The following DYM variants were observed in gnomAD, a reference collection of about 807,000 sequenced individuals.
DYM encodes dymeclin, also known as dyggve-Melchior-Clausen syndrome protein.
Under a neutral mutation model 93.1 loss-of-function variants are expected in DYM, and 78 were observed. The observed-to-expected ratio is 0.84, with a 90% CI of 0.70 to 1.01. The LOEUF is 1.01. Among genes scored for constraint, DYM ranks in the 50% least tolerant of loss-of-function variants. The pLI is 0.00. For missense variants in DYM, 789 were observed against 845.0 expected (o/e 0.93, Z 0.82); for synonymous variants, 321 against 319.7 (o/e 1.00, Z -0.04).
At chr18:49,212,456 G>A (rs979544898) in intron 13 of DYM, among the ~76,000 whole-genome samples, 74 of 152,066 alleles carry the variant, frequency 4.9e-4, no homozygotes, top group African/African-American at 1.7e-3. Flanking sequence ...ATTTGGGAAT[G>A]TGAGTTAAAG....
At chr18:49,456,845 G>C (rs2083025766) in intron 1 of DYM, among the ~76,000 whole-genome samples, 1 of 152,166 alleles carries the variant, frequency 6.6e-6, no homozygotes, top group Non-Finnish European at 1.5e-5. Flanking sequence ...AAAGGCAAGA[G>C]CAGATATTTA....
At chr18:49,333,903 CTA>C (rs1418702368) in intron 6 of DYM, 50 bp from the exon 7 acceptor site, 2 of 1,538,334 alleles carry the variant, frequency 1.3e-6, no homozygotes, top group East Asian at 2.3e-5. Context: ...GATTAAGACA[CTA>C]TTCTTTTCTA....
intron 16 of DYM, among the ~76,000 whole-genome samples, chr18:49,111,908 C>G (rs1244855081): frequency 6.6e-6 from 1 of 152,288 alleles, no homozygotes; most frequent in South Asian, 2.1e-4. Context: ...CCCTTTCTTC[C>G]GATGGCAGCC....
chr18:49,409,194 G>C (rs2071891882), intron 2 of DYM, among the ~76,000 whole-genome samples: 1 of 149,380 alleles, frequency 6.7e-6, no homozygotes, highest in Non-Finnish European at 1.5e-5. Context: ...TGAGGCAGGA[G>C]AATCACTTGA....
rs117071850 is a variant in DYM, at chr18:49,372,052, G to C, written c.421+6515C>G. ...TACCTAAGATGCCTCAGTTGACTTT[G>C]CTCAATTGTTTGCAGATGGCCCTCT... On this transcript the variant is annotated intron_variant, in intron 5 of 17. Transcript: ENST00000675505. 2.3e-3 allele frequency among the ~76,000 whole-genome samples: 354 copies of C among 152,292 alleles called. 9 individuals are homozygous for C. The East Asian group carries it at 0.059, about 26-fold the overall frequency.
intron 13 of DYM, among the ~76,000 whole-genome samples, chr18:49,245,097 T>A (rs2094132290): frequency 6.6e-6 from 1 of 152,246 alleles, no homozygotes; most frequent in Admixed American, 6.5e-5. Flanking sequence ...TTCATGGACA[T>A]TTATCACTTC....
At chr18:49,209,867 GA>G (rs2092700409) in intron 13 of DYM, among the ~76,000 whole-genome samples, 152 bp from the exon 14 acceptor site, 1 of 150,624 alleles carries the variant, frequency 6.6e-6, no homozygotes, top group Non-Finnish European at 1.5e-5. Context: ...AGTTAAAAAA[GA>G]AAATGAACAA....
At chr18:49,451,634 G>A (rs1235185164) in intron 1 of DYM, among the ~76,000 whole-genome samples, 1 of 152,194 alleles carries the variant, frequency 6.6e-6, no homozygotes, top group Admixed American at 6.5e-5. Flanking sequence ...TTCCATCGAA[G>A]CCAATCCAAA....
chr18:49,455,344 C>T (rs575753062), intron 1 of DYM, among the ~76,000 whole-genome samples: 16 of 152,214 alleles, frequency 1.1e-4, no homozygotes, highest in Non-Finnish European at 2.1e-4. Flanking sequence ...ACTGAATATA[C>T]ATCCTTCTCC....
chr18:49,237,984 T>C (rs1034451956), intron 13 of DYM, among the ~76,000 whole-genome samples: 2 of 152,106 alleles, frequency 1.3e-5, no homozygotes, highest in Non-Finnish European at 2.9e-5. Context: ...ATTTGAGTTG[T>C]TCCTAATCTT....
chr18:49,058,612 A>C (rs2075700451), intron 17 of DYM, among the ~76,000 whole-genome samples: 1 of 152,170 alleles, frequency 6.6e-6, no homozygotes, highest in Non-Finnish European at 1.5e-5. Flanking sequence ...ACTGCCTGAC[A>C]CAAATTTACA....
At chr18:49,048,397 T>C (rs1361336953) in intron 17 of DYM, 1 of 152,160 alleles carries the variant, frequency 6.6e-6, no homozygotes, top group Admixed American at 6.5e-5. Context: ...TAATAACATC[T>C]TACATTTCGA....
chr18:49,239,432 A>G (rs2093961008), intron 13 of DYM, among the ~76,000 whole-genome samples: 1 of 152,192 alleles, frequency 6.6e-6, no homozygotes, highest in South Asian at 2.1e-4. Flanking sequence ...GCCACAAATG[A>G]ACCACATCTC....
At chr18:49,421,687 C>A (rs1002560153) in intron 2 of DYM, among the ~76,000 whole-genome samples, 3 of 152,148 alleles carry the variant, frequency 2.0e-5, no homozygotes, top group African/African-American at 7.2e-5. Flanking sequence ...TTCAGAAGAT[C>A]GGTAATAACA....
intron 1 of DYM, among the ~76,000 whole-genome samples, chr18:49,455,893 G>A (rs1030894018): frequency 6.0e-5 from 9 of 150,852 alleles, no homozygotes; most frequent in Non-Finnish European, 1.2e-4. Flanking sequence ...AGGTTGCAGT[G>A]AGCCGAGATC....
intron 8 of DYM, among the ~76,000 whole-genome samples, chr18:49,317,589 CTCT>C (rs1568235842): frequency 2.7e-4 from 3 of 11,112 alleles, no homozygotes; most frequent in African/African-American, 1.8e-3. Flanking sequence ...CTCTCTCTCT[CTCT>C]CTCTCCCCCC....
chr18:49,307,575 C>T (rs925221074), intron 8 of DYM, among the ~76,000 whole-genome samples: 3 of 152,196 alleles, frequency 2.0e-5, no homozygotes, highest in Non-Finnish European at 4.4e-5. Context: ...AGGGGTACAA[C>T]TAGCAGTCAC....
At chr18:49,258,781 GACACACAC>G (rs61429427) in intron 11 of DYM, among the ~76,000 whole-genome samples, 3,337 of 112,238 alleles carry the variant, frequency 0.03, 168 homozygotes, top group African/African-American at 0.1. Context: ...AGGGATCATA[GACACACAC>G]ACACACACAC....
chr18:49,349,686 G>A (rs1227004671), intron 6 of DYM, among the ~76,000 whole-genome samples: 1 of 152,142 alleles, frequency 6.6e-6, no homozygotes, highest in African/African-American at 2.4e-5. Context: ...ACTAGGCGCC[G>A]TGACTCAATC....
Sources: gnomAD v4.1 joint callset for allele counts (sites outside exome capture counted in the v4.1 genomes callset) on GRCh38, gnomAD v4.1.1 for gene constraint, MANE v1.5 for transcripts, NCBI Gene and HGNC (gene_info 2026-07-23, HGNC 2026-07-21) for gene names.